RBMS3: variants seen among roughly 807,000 people sequenced by gnomAD.
RBMS3 encodes RNA binding motif single stranded interacting protein 3.
Under a neutral mutation model 66.8 loss-of-function variants are expected in RBMS3, and 27 were observed. The observed-to-expected ratio is 0.40, with a 90% confidence interval of 0.30 to 0.56. The LOEUF is 0.56. Among genes scored for constraint, RBMS3 ranks in the 20% least tolerant of loss-of-function variants. The pLI is 0.40. For synonymous variants in RBMS3, 188 were observed against 183.0 expected (o/e 1.03, Z -0.22); for missense variants, 513 against 549.5 (o/e 0.93, Z 0.66).
intron 7 of RBMS3, among the ~76,000 whole-genome samples, chr3:29,875,053 A>T (rs1325688339): frequency 1.3e-5 from 2 of 152,204 alleles, no homozygotes; most frequent in Admixed American, 1.3e-4. Flanking sequence ...GCAAGTAATT[A>T]CAAGTGGAAA....
intron 5 of RBMS3, among the ~76,000 whole-genome samples, chr3:29,761,958 C>A (rs534096577): frequency 2.6e-5 from 4 of 152,078 alleles, no homozygotes; most frequent in African/African-American, 9.6e-5. Flanking sequence ...CAGAATTAAT[C>A]CTTAATTATT....
chr3:29,817,235 T>C (rs960590441), intron 6 of RBMS3, among the ~76,000 whole-genome samples: 17 of 148,814 alleles, frequency 1.1e-4, no homozygotes, highest in African/African-American at 4.3e-4. Context: ...TCACCCAGGC[T>C]GGAGTGCAAT....
At chr3:29,516,720 G>T (rs553912964) in intron 3 of RBMS3, among the ~76,000 whole-genome samples, 1 of 152,210 alleles carries the variant, frequency 6.6e-6, no homozygotes, top group Non-Finnish European at 1.5e-5. Context: ...ACCTGGCCAA[G>T]GAGAGGAACT....
At chr3:29,551,388 A>C (rs1337931759) in intron 3 of RBMS3, among the ~76,000 whole-genome samples, 6 of 152,234 alleles carry the variant, frequency 3.9e-5, no homozygotes, top group Non-Finnish European at 5.9e-5. Flanking sequence ...ATACATAACA[A>C]AATAAGATAG....
At chr3:29,435,329 A>C (rs1370904670) in intron 2 of RBMS3, among the ~76,000 whole-genome samples, 3 of 152,184 alleles carry the variant, frequency 2.0e-5, no homozygotes. Flanking sequence ...CTTGTGTTAC[A>C]AAGCTTTTCT....
intron 3 of RBMS3, among the ~76,000 whole-genome samples, chr3:29,495,311 T>C (rs80042269): frequency 0.079 from 12,027 of 152,160 alleles, 543 homozygotes; most frequent in East Asian, 0.16. Context: ...GAATAAATAT[T>C]AGGCCATACA....
At chr3:29,837,934 A>G (rs1173066359) in intron 6 of RBMS3, among the ~76,000 whole-genome samples, 2 of 151,300 alleles carry the variant, frequency 1.3e-5, no homozygotes, top group African/African-American at 2.4e-5. Context: ...AAGGTGTCGA[A>G]TTGTCATTTT....
chr3:29,621,050 A>G (rs1331685653), intron 4 of RBMS3, among the ~76,000 whole-genome samples: 2 of 152,116 alleles, frequency 1.3e-5, no homozygotes, highest in African/African-American at 4.8e-5. Flanking sequence ...TAGGAAACCC[A>G]TAGCTCATAA....
intron 4 of RBMS3, among the ~76,000 whole-genome samples, chr3:29,715,698 G>A (rs569151776): frequency 6.6e-6 from 1 of 152,206 alleles, no homozygotes; most frequent in African/African-American, 2.4e-5. Context: ...TGGTAACTGA[G>A]AAGTGAAAAA....
At chr3:29,454,620 A>C (rs2042120990) in intron 2 of RBMS3, among the ~76,000 whole-genome samples, 1 of 152,228 alleles carries the variant, frequency 6.6e-6, no homozygotes, top group Non-Finnish European at 1.5e-5. Flanking sequence ...TCTGGAACTA[A>C]GTTTATGACT....
intron 4 of RBMS3, among the ~76,000 whole-genome samples, chr3:29,702,913 C>A (rs1232745743): frequency 6.6e-6 from 1 of 152,174 alleles, no homozygotes; most frequent in African/African-American, 2.4e-5. Context: ...GACCAAGAAC[C>A]CACCAATTCC....
intron 10 of RBMS3, among the ~76,000 whole-genome samples, chr3:29,929,623 A>T (rs1442123701): frequency 6.6e-6 from 1 of 152,160 alleles, no homozygotes; most frequent in Non-Finnish European, 1.5e-5. Context: ...CTAGTTACTG[A>T]ATCAAAAATC....
At chr3:29,673,028 G>C (rs2051075343) in intron 4 of RBMS3, among the ~76,000 whole-genome samples, 1 of 151,960 alleles carries the variant, frequency 6.6e-6, no homozygotes, top group Non-Finnish European at 1.5e-5. Flanking sequence ...AAATGTAAAA[G>C]AACAGAAATT....
At chr3:29,647,722 G>T (rs2049980713) in intron 4 of RBMS3, among the ~76,000 whole-genome samples, 1 of 152,104 alleles carries the variant, frequency 6.6e-6, no homozygotes, top group Non-Finnish European at 1.5e-5. Context: ...AAGATTTGGG[G>T]ATTTCATAGC....
chr3:29,645,942 T>G (rs1317636831), intron 4 of RBMS3, among the ~76,000 whole-genome samples: 3 of 152,208 alleles, frequency 2.0e-5, no homozygotes, highest in African/African-American at 7.2e-5. Context: ...TGGCCCATAT[T>G]TGGAAATACC....
chr3:29,539,122 T>C (rs749510456), intron 3 of RBMS3, among the ~76,000 whole-genome samples: 28 of 152,162 alleles, frequency 1.8e-4, no homozygotes, highest in Non-Finnish European at 3.5e-4. Flanking sequence ...CTGCATACAC[T>C]ATTACAGCTG....
chr3:29,832,591 C>T (rs1050100271), intron 6 of RBMS3, among the ~76,000 whole-genome samples: 2 of 152,122 alleles, frequency 1.3e-5, no homozygotes, highest in Non-Finnish European at 2.9e-5. Context: ...TTTTCCCATA[C>T]GTAAAAACAA....
intron 7 of RBMS3, among the ~76,000 whole-genome samples, chr3:29,878,233 G>T (rs1285188913): frequency 6.6e-6 from 1 of 152,060 alleles, no homozygotes; most frequent in Non-Finnish European, 1.5e-5. Context: ...CTCCTGCTGT[G>T]CAGCCCGGTT....
At chr3:29,657,718 G>A (rs527328841) in intron 4 of RBMS3, among the ~76,000 whole-genome samples, 1 of 152,206 alleles carries the variant, frequency 6.6e-6, no homozygotes, top group South Asian at 2.1e-4. Context: ...ATTAGTGTAG[G>A]CAGTCAATAC....
Sources: gnomAD v4.1 joint callset for allele counts (sites outside exome capture counted in the v4.1 genomes callset) on GRCh38, gnomAD v4.1.1 for gene constraint, MANE v1.5 for transcripts, NCBI Gene and HGNC (gene_info 2026-07-23, HGNC 2026-07-21) for gene names.